The following ZNF668 variants were observed in gnomAD, a reference collection of about 807,000 sequenced individuals.
ZNF668 encodes the protein zinc finger protein 668.
Under a neutral mutation model 40.3 loss-of-function variants are expected in ZNF668, and 10 were observed. That is an observed-to-expected ratio of 0.25 (90% CI 0.15 to 0.42). The LOEUF is 0.42. ZNF668 is among the 10% of genes least tolerant of loss of function. The pLI is 1.00. For missense variants in ZNF668, 749 were observed against 904.6 expected (o/e 0.83, Z 2.21); for synonymous variants, 428 against 384.6 (o/e 1.11, Z -1.32).
chr16:31,063,748 C>T, intron 2 of ZNF668, 65 bp downstream of exon 2: 3 of 1,438,540 alleles, frequency 2.1e-6, no homozygotes, highest in Non-Finnish European at 1.8e-6. Context: ...AACCCAGGCC[C>T]CATTGGCTGC....
Position 31,063,799 on chromosome 16 carries a change from G to C in ZNF668, c.647+14C>G. ...CTGCCCCGGAAGGCGCCCTGCCCCGGAAGGCACCCTCACCGCTCATGGTTG... is the reference window on the plus strand; with the variant it reads ...CTGCCCCGGAAGGCGCCCTGCCCCGCAAGGCACCCTCACCGCTCATGGTTG... On this transcript the variant is annotated intron_variant, in intron 2 of 2. Coordinates refer to ENST00000300849, the MANE Select transcript of ZNF668 (RefSeq NM_024706.5). 1 of 1,544,828 alleles carries C rather than the reference G, an allele frequency of 6.5e-7. No homozygotes were observed. The highest frequency in any genetic ancestry group is 8.8e-7 in the Non-Finnish European group (1 of 1,142,138).
chr16:31,068,236 AAAAATAT>A (rs1281729797), intron 1 of ZNF668, among the ~76,000 whole-genome samples: 1 of 91,422 alleles, frequency 1.1e-5, no homozygotes, highest in African/African-American at 5.4e-5. Context: ...AAAAAAAAAA[AAAAATAT>A]ATATATATAT....
intron 1 of ZNF668, chr16:31,069,140 A>G (rs2056998175): frequency 6.6e-6 from 1 of 152,230 alleles, no homozygotes; most frequent in African/African-American, 2.4e-5. Flanking sequence ...CAGGAAAAAG[A>G]CCAATATCTT....
rs869069195 is a variant in ZNF668, at chr16:31,068,239, A to AAT, written c.-22-3760_-22-3759dup. On this transcript the variant is annotated intron_variant, in intron 1 of 2. Coordinates refer to ENST00000300849, the MANE Select transcript of ZNF668 (RefSeq NM_024706.5). The stretch of plus-strand genomic sequence containing the variant: ...CACCATTAAAAAAAAAAAAAAAAAA[A>AAT]ATATATATATATATATATATATATA... Among the ~76,000 whole-genome samples the AAT allele has an allele frequency of 9.6e-4, 80 of 82,976 alleles. 2 individuals are homozygous for AAT. The highest frequency in any genetic ancestry group is 5.5e-3 in the East Asian group (15 of 2,748). The allele number at this position is 82,976 out of a possible 152,430, so 54.4% of individuals were successfully genotyped here.
intron 2 of ZNF668, chr16:31,062,560 C>G: frequency 2.6e-6 from 1 of 383,758 alleles, no homozygotes; most frequent in East Asian, 4.9e-5. Flanking sequence ...GTCAGGAGAT[C>G]GAGACCATCC....
intron 2 of ZNF668, among the ~76,000 whole-genome samples, chr16:31,063,560 C>G (rs542643234): frequency 1.3e-5 from 2 of 152,338 alleles, no homozygotes; most frequent in African/African-American, 4.8e-5. Context: ...AACCCCGCCC[C>G]CTTTCCAGCT....
Position 31,061,279 on chromosome 16 carries a change from C to A in ZNF668, c.1649G>T (p.Gly550Val), listed in dbSNP as rs199848754. ...CCCAGCCCGGTCAGAGAAGCTCTTGCCGCACTGGGTGCAGGGGAAGGGCCG... is the reference window on the plus strand; with the variant it reads ...CCCAGCCCGGTCAGAGAAGCTCTTGACGCACTGGGTGCAGGGGAAGGGCCG... ...ELRPFPCTQC[G>V]KSFSDRAGLR... The change falls in exon 3 of 3, where the codon GGC (glycine) becomes GTC (valine). Residue 550 changes from glycine to valine, a missense_variant. By Grantham distance (109) the Gly-to-Val change is moderately radical. Coordinates refer to ENST00000300849, the MANE Select transcript of ZNF668 (RefSeq NM_024706.5). The surrounding 1 kb of genome is among the most constrained non-coding windows in gnomAD (Gnocchi z 7.7). 6.4e-7 allele frequency: 1 copy of A among 1,557,952 alleles called. No homozygotes were observed. The highest frequency in any genetic ancestry group is 8.7e-7 in the Non-Finnish European group (1 of 1,151,960).
At chr16:31,067,856 T>C (rs1228188298) in intron 1 of ZNF668, among the ~76,000 whole-genome samples, 1 of 152,128 alleles carries the variant, frequency 6.6e-6, no homozygotes, top group East Asian at 1.9e-4. Flanking sequence ...TGGGGCCTCT[T>C]ACGCTTGTCT....
intron 2 of ZNF668, 188 bp from the exon 3 acceptor site, chr16:31,062,468 C>T: frequency 1.3e-6 from 1 of 787,124 alleles, no homozygotes; most frequent in South Asian, 2.0e-5. Flanking sequence ...ATTCCAAAGA[C>T]CTGTCTCTGC....
intron 1 of ZNF668, among the ~76,000 whole-genome samples, chr16:31,070,028 C>T (rs2057004697): frequency 6.6e-6 from 1 of 152,228 alleles, no homozygotes; most frequent in South Asian, 2.1e-4. Context: ...CCTGCCTCGG[C>T]CTCCCAGAGT....
intron 1 of ZNF668, among the ~76,000 whole-genome samples, chr16:31,072,225 C>T (rs1051875192): frequency 6.6e-6 from 1 of 152,186 alleles, no homozygotes; most frequent in East Asian, 1.9e-4. Flanking sequence ...GCTAGGAAAC[C>T]GATCATCTGC....
intron 1 of ZNF668, among the ~76,000 whole-genome samples, chr16:31,070,264 A>G (rs9796794): frequency 0.32 from 47,260 of 147,692 alleles, 9,828 homozygotes; most frequent in East Asian, 0.89. Context: ...CTGGAGTGCA[A>G]TGGCACAATA....
At chr16:31,068,266 A>ATATATATATAT (rs1348939812) in intron 1 of ZNF668, among the ~76,000 whole-genome samples, 7 of 125,208 alleles carry the variant, frequency 5.6e-5, no homozygotes, top group African/African-American at 1.8e-4. Context: ...ATATATATAT[A>ATATATATATAT]ATTTTTGAGA....
chr16:31,067,488 G>A (rs1054252844), intron 1 of ZNF668, among the ~76,000 whole-genome samples: 3 of 152,140 alleles, frequency 2.0e-5, no homozygotes, highest in African/African-American at 4.8e-5. Flanking sequence ...TGATGTGACC[G>A]TGTGTAATGT....
intron 1 of ZNF668, chr16:31,066,470 T>C: frequency 1.4e-6 from 1 of 722,402 alleles, no homozygotes; most frequent in Non-Finnish European, 1.7e-6. Context: ...GGCGGGAGGA[T>C]CCTGTGAACC....
intron 1 of ZNF668, chr16:31,064,734 C>T: frequency 6.6e-7 from 1 of 1,525,890 alleles, no homozygotes; most frequent in East Asian, 2.4e-5. Flanking sequence ...CACGTCCCCC[C>T]CCGCCCCCAA....
At chr16:31,071,920 C>T (rs1218405239) in intron 1 of ZNF668, among the ~76,000 whole-genome samples, 2 of 152,192 alleles carry the variant, frequency 1.3e-5, no homozygotes, top group African/African-American at 4.8e-5. Context: ...TGTTCCCTGT[C>T]CATTCATATA....
chr16:31,064,430 G>C lies in ZNF668; in HGVS notation c.30C>G (p.Ser10=). 1.9e-6 allele frequency: 3 copies of C among 1,612,246 alleles called. No individual in the cohort carries two copies. Among genetic ancestry groups the C allele is most frequent in the East Asian group, 2.2e-5 (1 of 44,878 alleles). ...CCGAGCGCTTGTAGCCGGGGGCTGG[G>C]GACCGGGCCTCTGCAGCCTCCACTT... MEVEAAEAR[S]PAPGYKRSGR... is the part of the protein sequence containing the mutation. Residue 10 remains serine, a synonymous_variant, in exon 2 of 3, where the codon TCC becomes TCG. Coordinates refer to ENST00000300849, the MANE Select transcript of ZNF668 (RefSeq NM_024706.5).
At chr16:31,069,305 A>ACACACC (rs1021339773) in intron 1 of ZNF668, 1 of 136,246 alleles carries the variant, frequency 7.3e-6, no homozygotes, top group African/African-American at 2.6e-5. Flanking sequence ...ACACACACAC[A>ACACACC]CCTGCCTACC....
Sources: gnomAD v4.1 joint callset for allele counts (sites outside exome capture counted in the v4.1 genomes callset) on GRCh38, gnomAD v4.1.1 for gene constraint, Gnocchi (gnomAD v3.1) non-coding constraint, MANE v1.5 for transcripts, NCBI Gene and HGNC (gene_info 2026-07-23, HGNC 2026-07-21) for gene names.